The following KCNB2 variants were observed in gnomAD, a reference collection of about 807,000 sequenced individuals.
KCNB2 encodes the protein potassium voltage-gated channel subfamily B member 2.
Under a neutral mutation model 61.5 loss-of-function variants are expected in KCNB2, and 15 were observed. The ratio of observed to expected loss-of-function variants is 0.24; its 90% CI spans 0.16 to 0.38. The LOEUF (loss-of-function observed/expected upper bound fraction) is 0.38, where lower values mean the gene tolerates loss of function less well. Among genes scored for constraint, KCNB2 ranks in the 10% least tolerant of loss-of-function variants. The probability of loss-of-function intolerance (pLI) is 1.00; values close to 1 mark genes in which losing one functional copy is unlikely to be tolerated. For missense variants in KCNB2, 828 were observed against 1,125.2 expected (o/e 0.74, Z 3.78); for synonymous variants, 457 against 446.0 (o/e 1.02, Z -0.31).
intron 2 of KCNB2, among the ~76,000 whole-genome samples, chr8:72,890,132 T>C (rs1805872712): frequency 6.6e-6 from 1 of 152,204 alleles, no homozygotes; most frequent in Non-Finnish European, 1.5e-5. Flanking sequence ...AAGGATCTGA[T>C]TCAGATTCTA....
At chr8:72,900,261 A>C (rs745481410) in intron 2 of KCNB2, among the ~76,000 whole-genome samples, 3 of 152,228 alleles carry the variant, frequency 2.0e-5, no homozygotes, top group Non-Finnish European at 4.4e-5. Flanking sequence ...CTCCCTATTC[A>C]ATAAATGTTT....
intron 2 of KCNB2, among the ~76,000 whole-genome samples, chr8:72,848,850 A>G (rs1810043941): frequency 6.6e-6 from 1 of 152,140 alleles, no homozygotes; most frequent in Non-Finnish European, 1.5e-5. Context: ...CAGTAATGAA[A>G]AGAACTCACC....
rs190725339 is a variant in KCNB2, at chr8:72,587,454, T to A, written c.579+19141T>A. ...ATTGAAAATGTAGGGCCAGCTGCAGTGGCTCACACCTTTAATCCCAGCACT... is the reference window on the plus strand; with the variant it reads ...ATTGAAAATGTAGGGCCAGCTGCAGAGGCTCACACCTTTAATCCCAGCACT... On this transcript the variant is annotated intron_variant, in intron 2 of 2. Coordinates refer to ENST00000523207, the MANE Select transcript of KCNB2 (RefSeq NM_004770.3). Among the ~76,000 whole-genome samples, 766 of 152,340 alleles carry A rather than the reference T, an allele frequency of 5.0e-3. 7 individuals are homozygous for A. In the Middle Eastern group the frequency reaches 0.071, roughly 14 times the overall value.
At chr8:72,810,584 T>A (rs1230837333) in intron 2 of KCNB2, among the ~76,000 whole-genome samples, 1 of 152,230 alleles carries the variant, frequency 6.6e-6, no homozygotes, top group Non-Finnish European at 1.5e-5. Flanking sequence ...TAAGGTGATA[T>A]GCCTGGATGT....
chr8:72,858,196 A>C lies in KCNB2; in HGVS notation c.580-77739A>C, dbSNP rs1388800447. Reference sequence around the variant, plus strand: ...TTGAACTAGCAGACAGAATGGTAACACATAAAAATCCACATTTATTACATT... The same window carrying C: ...TTGAACTAGCAGACAGAATGGTAACCCATAAAAATCCACATTTATTACATT... On this transcript the variant is annotated intron_variant, in intron 2 of 2. Coordinates refer to ENST00000523207, the MANE Select transcript of KCNB2 (RefSeq NM_004770.3). Among the ~76,000 whole-genome samples, 3 of 152,244 alleles carry C rather than the reference A, an allele frequency of 2.0e-5. No individual in the cohort carries two copies. In the East Asian group the frequency reaches 5.8e-4, roughly 29 times the overall value.
At chr8:72,628,257 G>C (rs1004723174) in intron 2 of KCNB2, among the ~76,000 whole-genome samples, 1 of 152,106 alleles carries the variant, frequency 6.6e-6, no homozygotes, top group African/African-American at 2.4e-5. Context: ...TCTGGTCACT[G>C]ATGAAGTTTT....
chr8:72,825,215 T>C (rs1182137193), intron 2 of KCNB2, among the ~76,000 whole-genome samples: 2 of 152,216 alleles, frequency 1.3e-5, no homozygotes, highest in African/African-American at 4.8e-5. Flanking sequence ...TGTTGGAGTA[T>C]ACATCAGATT....
intron 2 of KCNB2, among the ~76,000 whole-genome samples, chr8:72,809,278 A>G (rs1462805038): frequency 6.6e-6 from 1 of 152,194 alleles, no homozygotes; most frequent in Non-Finnish European, 1.5e-5. Flanking sequence ...CTTTTCTAAG[A>G]CAAACACTTT....
At chr8:72,552,824 A>C (rs1052695838) in intron 1 of KCNB2, among the ~76,000 whole-genome samples, 10 of 152,144 alleles carry the variant, frequency 6.6e-5, no homozygotes, top group Non-Finnish European at 1.3e-4. Flanking sequence ...CTTTCTCTGT[A>C]AGTATCTATG....
rs560130262 is a variant in KCNB2, at chr8:72,655,138, G to A, written c.579+86825G>A. ...CTATAAAAAAGCATGAGATCACGTC[G>A]TTTGCAGCAACATGGATGGAGCTGG... is the stretch of plus-strand genomic sequence containing the variant. On this transcript the variant is annotated intron_variant, in intron 2 of 2. Transcript: ENST00000523207. 1.4e-4 allele frequency among the ~76,000 whole-genome samples: 21 copies of A among 152,194 alleles called. No individual in the cohort carries two copies. The South Asian group carries it at 1.5e-3, about 11-fold the overall frequency.
chr8:72,729,750 G>A (rs1807710335), intron 2 of KCNB2, among the ~76,000 whole-genome samples: 1 of 152,060 alleles, frequency 6.6e-6, no homozygotes, highest in Non-Finnish European at 1.5e-5. Context: ...GGGTGTGGTG[G>A]CACATGTTTG....
intron 2 of KCNB2, among the ~76,000 whole-genome samples, chr8:72,586,185 A>G (rs1284857455): frequency 6.6e-6 from 1 of 152,208 alleles, no homozygotes; most frequent in Non-Finnish European, 1.5e-5. Flanking sequence ...TTATAAAATT[A>G]GCCACTTGGA....
chr8:72,824,658 G>T (rs1322093072), intron 2 of KCNB2, among the ~76,000 whole-genome samples: 1 of 152,120 alleles, frequency 6.6e-6, no homozygotes, highest in East Asian at 1.9e-4. Context: ...CCAAAGCAAT[G>T]AGTCCGCCCT....
At chr8:72,628,590 C>T (rs997355595) in intron 2 of KCNB2, among the ~76,000 whole-genome samples, 4 of 152,096 alleles carry the variant, frequency 2.6e-5, no homozygotes, top group African/African-American at 9.7e-5. Context: ...AGGATAGCTC[C>T]AAGGAATGAT....
chr8:72,613,311 C>T (rs1805568525), intron 2 of KCNB2, among the ~76,000 whole-genome samples: 1 of 152,170 alleles, frequency 6.6e-6, no homozygotes, highest in Admixed American at 6.5e-5. Flanking sequence ...CACATCTGGC[C>T]TCTGCAAGTC....
At chr8:72,898,731 A>C (rs1358276076) in intron 2 of KCNB2, among the ~76,000 whole-genome samples, 1 of 152,106 alleles carries the variant, frequency 6.6e-6, no homozygotes, top group Non-Finnish European at 1.5e-5. Flanking sequence ...ATATTACATG[A>C]TGCTGAGGTT....
chr8:72,827,583 C>T (rs1371868823), intron 2 of KCNB2, among the ~76,000 whole-genome samples: 1 of 152,170 alleles, frequency 6.6e-6, no homozygotes, highest in African/African-American at 2.4e-5. Flanking sequence ...TGAATGTCCA[C>T]TCTCTAAATA....
chr8:72,592,886 A>G (rs1215196769), intron 2 of KCNB2, among the ~76,000 whole-genome samples: 1 of 152,194 alleles, frequency 6.6e-6, no homozygotes, highest in East Asian at 1.9e-4. Flanking sequence ...AAAAATATCC[A>G]TACAGGTTAT....
At chr8:72,898,839 A>C (rs1806035381) in intron 2 of KCNB2, among the ~76,000 whole-genome samples, 1 of 152,076 alleles carries the variant, frequency 6.6e-6, no homozygotes, top group South Asian at 2.1e-4. Flanking sequence ...CATTGTCCCC[A>C]TCTTTATGTC....
Sources: allele counts gnomAD v4.1 joint callset (sites outside exome capture counted in the v4.1 genomes callset), GRCh38; gene constraint gnomAD v4.1.1; transcripts MANE v1.5; gene names NCBI Gene and HGNC (gene_info 2026-07-23, HGNC 2026-07-21).